Variants in MBD3 observed in about 807,000 individuals in gnomAD.
The protein encoded by MBD3 is methyl-CpG binding domain protein 3.
Under a neutral mutation model 31.2 loss-of-function variants are expected in MBD3, and 13 were observed. The ratio of observed to expected loss-of-function variants is 0.42; its 90% CI spans 0.27 to 0.66. The LOEUF (loss-of-function observed/expected upper bound fraction) is 0.66, where lower values mean the gene tolerates loss of function less well. Ranked by LOEUF, MBD3 falls within the 30% of genes least tolerant of loss-of-function variation. The pLI is 0.26. For missense variants in MBD3, 440 were observed against 426.5 expected, an observed-to-expected ratio of 1.03 and a Z score of -0.28; for synonymous variants, 223 against 187.4, an observed-to-expected ratio of 1.19 and a Z score of -1.55.
intron 1 of MBD3, among the ~76,000 whole-genome samples, chr19:1,591,524 G>A (rs941159426): frequency 6.6e-6 from 1 of 152,108 alleles, no homozygotes; most frequent in African/African-American, 2.4e-5. Flanking sequence ...ACGACCCCGA[G>A]CTGTGGGAAA....
At chr19:1,580,898 G>A (rs1001812911) in intron 5 of MBD3, among the ~76,000 whole-genome samples, 194 bp downstream of exon 5, 2 of 152,182 alleles carry the variant, frequency 1.3e-5, no homozygotes, top group East Asian at 1.9e-4. Flanking sequence ...TGCCTGGCTC[G>A]CCCTGAACCC....
In MBD3 at chr19:1,575,900, C is replaced by T. The variant is rs1916741472; in HGVS notation, c.*2264G>A. The T allele has an allele frequency of 6.6e-6, 1 of 152,308 alleles. No homozygotes were observed. Among genetic ancestry groups the T allele is most frequent in the Admixed American group, 6.6e-5 (1 of 15,264 alleles). 9.4% of individuals were successfully genotyped at this position (152,308 alleles called of 1,614,324 possible). A position where few individuals can be genotyped will look rare whatever the true frequency, so the allele number is the denominator to read the frequency against. On this transcript the variant is annotated 3_prime_UTR_variant, in exon 7 of 7. Coordinates refer to ENST00000434436, the MANE Select transcript of MBD3 (RefSeq NM_001281453.2). ...GGGGTAGGGATCATCACATCTCAGA[C>T]CAAGGCCAGGACATGGCCAGAACCC...
At chr19:1,588,023 G>A (rs1032443713) in intron 1 of MBD3, among the ~76,000 whole-genome samples, 7 of 152,212 alleles carry the variant, frequency 4.6e-5, no homozygotes, top group South Asian at 2.1e-4. Flanking sequence ...AATTCTGCAG[G>A]CACTGCACAG....
Position 1,578,741 on chromosome 19 carries a change from G to A in MBD3, c.678-203C>T, listed in dbSNP as rs186736341. ...CTGCCGCTGGCCATCGCCAGCGTCCGCCACCCTCCCAGATGGCCCCCCTGC... is the reference window on the plus strand; with the variant it reads ...CTGCCGCTGGCCATCGCCAGCGTCCACCACCCTCCCAGATGGCCCCCCTGC... On this transcript the variant is annotated intron_variant, in intron 5 of 6. Coordinates refer to ENST00000434436, the MANE Select transcript of MBD3 (RefSeq NM_001281453.2). This position sits in a 1 kb window ranked among gnomAD's most constrained non-coding sequence, Gnocchi z 6.1. Among the ~76,000 whole-genome samples the A allele has an allele frequency of 9.9e-5, 15 of 152,182 alleles. No individual in the cohort carries two copies. Among genetic ancestry groups the A allele is most frequent in the Non-Finnish European group, 1.9e-4 (13 of 67,994 alleles).
rs1172675764 is a variant in MBD3 at position 1,584,695 on chromosome 19, T to C, written c.271-18A>G. ...GGCTTGCCCTGCGGGAGGAAGGATA[T>C]GCAGTCCGGCCTGGGGGCGCCCCGG... On this transcript the variant is annotated intron_variant, in intron 2 of 6. Coordinates refer to ENST00000434436, the MANE Select transcript of MBD3 (RefSeq NM_001281453.2). 3 of 1,607,618 alleles carry C rather than the reference T, an allele frequency of 1.9e-6. No homozygotes were observed. Among genetic ancestry groups the C allele is most frequent in the South Asian group, 1.1e-5 (1 of 91,048 alleles).
rs1343406002 is a variant in MBD3 at position 1,585,732 on chromosome 19, G to T, written c.111-518C>A. On this transcript the variant is annotated intron_variant, in intron 1 of 6. Coordinates refer to ENST00000434436, the MANE Select transcript of MBD3 (RefSeq NM_001281453.2). The surrounding 1 kb of genome is among the most constrained non-coding windows in gnomAD (Gnocchi z 4.1). ...CATTCTTGAGAAAAGACCCCACGGA[G>T]AACAGGTATGTGAGGGACAGCCCTA... 6.6e-6 allele frequency among the ~76,000 whole-genome samples: 1 copy of T among 152,230 alleles called. No individual in the cohort carries two copies. The highest frequency in any genetic ancestry group is 1.5e-5 in the Non-Finnish European group (1 of 68,046).
intron 1 of MBD3, among the ~76,000 whole-genome samples, chr19:1,588,685 G>A (rs1158945295): frequency 6.7e-6 from 1 of 150,282 alleles, no homozygotes; most frequent in Non-Finnish European, 1.5e-5. Flanking sequence ...GGAGGCTGAC[G>A]CAGAATTGGG....
At chr19:1,588,140 A>G (rs919908754) in intron 1 of MBD3, among the ~76,000 whole-genome samples, 3 of 151,772 alleles carry the variant, frequency 2.0e-5, no homozygotes, top group African/African-American at 7.3e-5. Context: ...CTGCCCCCCA[A>G]CCCCGGGCAA....
chr19:1,580,084 T>A (rs973128813), intron 5 of MBD3, among the ~76,000 whole-genome samples: 1 of 152,254 alleles, frequency 6.6e-6, no homozygotes, highest in African/African-American at 2.4e-5. Context: ...TGCAGGGCTT[T>A]TAATGATCTG....
chr19:1,592,353 GCGCACTGGGCCTC>G (rs1349900504), intron 1 of MBD3, 156 bp downstream of exon 1: 6 of 175,520 alleles, frequency 3.4e-5, no homozygotes, highest in African/African-American at 4.8e-5. Flanking sequence ...AGCGGCGCAC[GCGCACTGGGCCTC>G]CGCGCGCCGG....
intron 1 of MBD3, among the ~76,000 whole-genome samples, chr19:1,587,573 C>G (rs1004652335): frequency 3.3e-5 from 5 of 152,060 alleles, no homozygotes; most frequent in African/African-American, 1.2e-4. Context: ...CACCACCATG[C>G]CCAGCTAATT....
chr19:1,576,217 C>G lies in MBD3; in HGVS notation c.*1947G>C, dbSNP rs564341301. On this transcript the variant is annotated 3_prime_UTR_variant, in exon 7 of 7. Transcript: ENST00000434436. ...GGGCAGATGAGGGGAGGGTGGCCTC[C>G]CAGCCTTCAGGTCCAGAAAGCAGCT... 6.6e-6 allele frequency: 1 copy of G among 152,366 alleles called. No individual in the cohort carries two copies. The highest frequency in any genetic ancestry group is 2.4e-5 in the African/African-American group (1 of 41,410). The allele number at this position is 152,366 out of a possible 1,614,324, so 9.4% of individuals were successfully genotyped here.
chr19:1,578,372 GCTCCTCCTC>G lies in MBD3; in HGVS notation c.835_843del (p.Glu279_Glu281del), dbSNP rs371220154. The G allele has an allele frequency of 5.7e-5, 92 of 1,600,928 alleles. No individual in the cohort carries two copies. Among genetic ancestry groups the G allele is most frequent in the Admixed American group, 1.0e-4 (6 of 59,818 alleles). On this transcript the variant is annotated inframe_deletion, in exon 6 of 7. Transcript: ENST00000434436. This position sits in a 1 kb window ranked among gnomAD's most constrained non-coding sequence, Gnocchi z 6.1. Reference sequence around the variant, plus strand: ...TGCTCCATCTCCGGGTCCGGGTCGGGCTCCTCCTCCTCCTCCTCCTCGTCTTCCTCGTCG... The same window carrying G: ...TGCTCCATCTCCGGGTCCGGGTCGGGCTCCTCCTCCTCGTCTTCCTCGTCG...
Position 1,578,101 on chromosome 19 carries a change from G to T in MBD3, c.*63C>A. The T allele has an allele frequency of 1.6e-6, 1 of 630,086 alleles. No homozygotes were observed. The highest frequency in any genetic ancestry group is 2.7e-6 in the Non-Finnish European group (1 of 366,266). The allele number at this position is 630,086 out of a possible 1,614,324, so 39.0% of individuals were successfully genotyped here. A position where few individuals can be genotyped will look rare whatever the true frequency, so the allele number is the denominator to read the frequency against. On this transcript the variant is annotated 3_prime_UTR_variant, in exon 7 of 7. Coordinates refer to ENST00000434436, the MANE Select transcript of MBD3 (RefSeq NM_001281453.2). The surrounding 1 kb of genome is among the most constrained non-coding windows in gnomAD (Gnocchi z 6.1). ...CGCCGCCGAGCCTGGTTCACGTGGG[G>T]CCGAGGACCGCGTCTGCAGGCGGCT... is the stretch of plus-strand genomic sequence containing the variant.
At position 1,585,099 on chromosome 19, in the gene MBD3, T is replaced by C. The variant is rs755513010; in HGVS notation, c.226A>G (p.Lys76Glu). The C allele has an allele frequency of 2.5e-6, 4 of 1,612,716 alleles. No individual in the cohort carries two copies. The highest frequency in any genetic ancestry group is 2.5e-6 in the Non-Finnish European group (3 of 1,179,510). The change falls in exon 2 of 7, where the codon AAG (lysine) becomes GAG (glutamate). Residue 76 changes from lysine (K) to glutamate (E), a missense_variant. Coordinates refer to ENST00000434436, the MANE Select transcript of MBD3 (RefSeq NM_001281453.2). The surrounding 1 kb of genome is among the most constrained non-coding windows in gnomAD (Gnocchi z 4.1). ...TGKMLMSKMN[K>E]SRQRVRYDSS... is the part of the protein sequence containing the mutation. ...TCGTAGCGCACGCGCTGGCGGCTCT[T>C]GTTCATCTTGCTCATCAGCATCTTG...
chr19:1,584,438 C>G, intron 3 of MBD3, 102 bp downstream of exon 3: 2 of 1,529,182 alleles, frequency 1.3e-6, no homozygotes, highest in South Asian at 1.1e-5. Flanking sequence ...GGAACTCCTG[C>G]GCTCACTACG....
chr19:1,585,424 C>G lies in MBD3; in HGVS notation c.111-210G>C. 1.7e-6 allele frequency: 1 copy of G among 578,216 alleles called. No individual in the cohort carries two copies. Among genetic ancestry groups the G allele is most frequent in the South Asian group, 2.0e-5 (1 of 50,570 alleles). The allele number at this position is 578,216 out of a possible 1,614,324, so 35.8% of individuals were successfully genotyped here. ...GTGACCCCAGACCTTCATCCCAGAC[C>G]CCAGCACCCCACAACTGGCCCCTAG... On this transcript the variant is annotated intron_variant, in intron 1 of 6. Transcript: ENST00000434436. This position sits in a 1 kb window ranked among gnomAD's most constrained non-coding sequence, Gnocchi z 4.1.
At position 1,582,684 on chromosome 19, in the gene MBD3, A is replaced by T; in HGVS notation, c.437T>A (p.Leu146Gln). Reference protein sequence around the residue: ...QLFWEKKLSGLNAFDIAEELV... With the variant: ...QLFWEKKLSGQNAFDIAEELV... The stretch of plus-strand genomic sequence containing the variant: ...CTCCTCAGCAATGTCGAAGGCGTTC[A>T]GGCCGCTCAGCTTCTTCTCCCAGAA... Residue 146 changes from leucine (L) to glutamine (Q), a missense_variant, in exon 4 of 7, where the codon CTG becomes CAG. This residue lies in a region of MBD3 where 144 missense variants were observed against 196.9 expected (regional missense o/e 0.73). Transcript: ENST00000434436. 5 of 1,613,974 alleles carry T rather than the reference A, an allele frequency of 3.1e-6. No individual in the cohort carries two copies. Among genetic ancestry groups the T allele is most frequent in the Non-Finnish European group, 4.2e-6 (5 of 1,179,970 alleles).
intron 1 of MBD3, among the ~76,000 whole-genome samples, chr19:1,587,892 C>T (rs151022019): frequency 1.4e-4 from 21 of 152,302 alleles, no homozygotes; most frequent in Non-Finnish European, 2.4e-4. Context: ...CCAGAATCCT[C>T]TAGGGCAGTC....
Sources: gnomAD v4.1 joint callset for allele counts (sites outside exome capture counted in the v4.1 genomes callset) on GRCh38, gnomAD v4.1.1 for gene constraint, gnomAD v4.1.1 regional missense constraint, Gnocchi (gnomAD v3.1) non-coding constraint, MANE v1.5 for transcripts, NCBI Gene and HGNC (gene_info 2026-07-23, HGNC 2026-07-21) for gene names.